PPHLN1: variants seen among roughly 807,000 people sequenced by gnomAD.
PPHLN1 encodes the protein periphilin-1.
Under a neutral mutation model 51.3 loss-of-function variants are expected in PPHLN1, and 29 were observed. That is an observed-to-expected ratio of 0.57 (90% CI 0.42 to 0.77). The LOEUF is 0.77. Ranked by LOEUF, PPHLN1 falls within the 30% of genes least tolerant of loss-of-function variation. The pLI is 0.00. For missense variants in PPHLN1, 436 were observed against 438.4 expected (o/e 0.99, Z 0.05); for synonymous variants, 147 against 147.8 (o/e 0.99, Z 0.04).
At position 42,391,307 on chromosome 12, in the gene PPHLN1, C is replaced by G. The variant is rs183698735; in HGVS notation, c.649-2263C>G. On this transcript the variant is annotated intron_variant, in intron 7 of 9. Transcript: ENST00000358314. ...AGGCTGGAGTGCAATGGCATAATCT[C>G]GGCTCACTGCAACCTCCACCTCCCA... Among the ~76,000 whole-genome samples the G allele has an allele frequency of 5.3e-5, 8 of 152,264 alleles. No individual in the cohort carries two copies. In the East Asian group the frequency reaches 1.5e-3, roughly 29 times the overall value.
chr12:42,339,553 T>C (rs1337669723), intron 2 of PPHLN1, among the ~76,000 whole-genome samples: 1 of 152,204 alleles, frequency 6.6e-6, no homozygotes, highest in Non-Finnish European at 1.5e-5. Context: ...TGGATCCCTT[T>C]AGCTGTCTGG....
chr12:42,369,116 T>C (rs541950662), intron 4 of PPHLN1, among the ~76,000 whole-genome samples: 2 of 152,322 alleles, frequency 1.3e-5, no homozygotes, highest in African/African-American at 4.8e-5. Flanking sequence ...CAGAGGAATG[T>C]TGAGAAGATG....
chr12:42,379,044 A>G (rs2076542802), intron 5 of PPHLN1, among the ~76,000 whole-genome samples: 1 of 151,648 alleles, frequency 6.6e-6, no homozygotes, highest in Admixed American at 6.6e-5. Context: ...TATATTTTTC[A>G]CTTGAAGTTT....
intron 1 of PPHLN1, among the ~76,000 whole-genome samples, chr12:42,329,586 TA>T (rs1285587652): frequency 2.6e-5 from 4 of 152,124 alleles, no homozygotes; most frequent in African/African-American, 9.7e-5. Context: ...TAATACAGAT[TA>T]AACCCTCACT....
chr12:42,382,485 C>G (rs557388500), intron 5 of PPHLN1, among the ~76,000 whole-genome samples: 13 of 152,066 alleles, frequency 8.5e-5, no homozygotes, highest in Admixed American at 1.3e-4. Flanking sequence ...ACCTTTTTAC[C>G]TTGCTCTCAA....
At chr12:42,411,286 G>A (rs1168074981) in intron 9 of PPHLN1, among the ~76,000 whole-genome samples, 1 of 151,882 alleles carries the variant, frequency 6.6e-6, no homozygotes, top group Non-Finnish European at 1.5e-5. Flanking sequence ...GAGTACAAGT[G>A]GCTTTTAGTT....
Position 42,429,650 on chromosome 12 carries a change from C to T in PPHLN1, c.910-11665C>T, listed in dbSNP as rs551564172. On this transcript the variant is annotated intron_variant, in intron 9 of 9. Coordinates refer to ENST00000358314, the MANE Select transcript of PPHLN1 (RefSeq NM_201439.2). Reference sequence around the variant, plus strand: ...TGGTCTTTTTACTAGAATGTAAAGTCCTTGAACAGAGCTTGTTGTACTCTG... The same window carrying T: ...TGGTCTTTTTACTAGAATGTAAAGTTCTTGAACAGAGCTTGTTGTACTCTG... 5.3e-5 allele frequency among the ~76,000 whole-genome samples: 8 copies of T among 152,244 alleles called. No individual in the cohort carries two copies. In the South Asian group the frequency reaches 1.5e-3, roughly 28 times the overall value.
At position 42,335,983 on chromosome 12, in the gene PPHLN1, C is replaced by T. The variant is rs773693483; in HGVS notation, c.72+9C>T. On this transcript the variant is annotated intron_variant, in intron 2 of 9. Transcript: ENST00000358314. ...CTCGAAGTCATCCCAGTGTAAGTTA[C>T]TCCTACATATTGAATGATTCAAAAA... is the stretch of plus-strand genomic sequence containing the variant. The T allele has an allele frequency of 5.6e-5, 86 of 1,537,212 alleles. No homozygotes were observed. Among genetic ancestry groups the T allele is most frequent in the Non-Finnish European group, 7.0e-5 (79 of 1,132,206 alleles).
At chr12:42,412,533 T>A (rs2079966760) in intron 9 of PPHLN1, among the ~76,000 whole-genome samples, 1 of 152,208 alleles carries the variant, frequency 6.6e-6, no homozygotes, top group South Asian at 2.1e-4. Context: ...TTGTGAATTG[T>A]GCTACAATAA....
chr12:42,330,732 T>TG (rs1238343374), intron 1 of PPHLN1, among the ~76,000 whole-genome samples: 1 of 152,176 alleles, frequency 6.6e-6, no homozygotes, highest in Non-Finnish European at 1.5e-5. Context: ...GTTTTTGAGA[T>TG]GGAGTCTCGC....
Position 42,391,343 on chromosome 12 carries a change from A to G in PPHLN1, c.649-2227A>G, listed in dbSNP as rs999188790. On this transcript the variant is annotated intron_variant, in intron 7 of 9. Transcript: ENST00000358314. ...AACCTCCACCTCCCAGGTTCAAGCA[A>G]TTCTCCTGCCTCAACCTCCCAAGTA... Among the ~76,000 whole-genome samples, 12 of 152,100 alleles carry G rather than the reference A, an allele frequency of 7.9e-5. No homozygotes were observed. The East Asian group carries it at 1.2e-3, about 15-fold the overall frequency.
At chr12:42,418,175 G>T (rs1325566324) in intron 9 of PPHLN1, among the ~76,000 whole-genome samples, 2 of 140,534 alleles carry the variant, frequency 1.4e-5, no homozygotes, top group Non-Finnish European at 3.0e-5. Context: ...TCATGACCTC[G>T]TGATCTGCCC....
intron 1 of PPHLN1, 137 bp downstream of exon 1, chr12:42,326,366 G>C (rs1011333732): frequency 6.6e-6 from 1 of 152,216 alleles, no homozygotes; most frequent in Non-Finnish European, 1.5e-5. Context: ...CTGCCCATGC[G>C]GTTGAGGGTG....
chr12:42,353,390 C>T (rs992691478), intron 3 of PPHLN1, among the ~76,000 whole-genome samples: 2 of 152,150 alleles, frequency 1.3e-5, no homozygotes, highest in African/African-American at 2.4e-5. Context: ...AGTTTTCATA[C>T]TTTACGCTTG....
chr12:42,401,217 T>C (rs1348230766), intron 9 of PPHLN1, among the ~76,000 whole-genome samples: 1 of 152,176 alleles, frequency 6.6e-6, no homozygotes, highest in African/African-American at 2.4e-5. Context: ...CTGAAAATAT[T>C]TTTTAAATAT....
In PPHLN1 at chr12:42,404,599, G is replaced by T. The variant is rs185081002; in HGVS notation, c.909+5605G>T. On this transcript the variant is annotated intron_variant, in intron 9 of 9. Transcript: ENST00000358314. The stretch of plus-strand genomic sequence containing the variant: ...TGATATAGGTTTACCTCTGAAAGGT[G>T]ATTTTCTGGTCAGTGTCAAGGTTTC... Among the ~76,000 whole-genome samples the T allele has an allele frequency of 1.6e-3, 248 of 152,262 alleles. 3 individuals carry two copies. Among genetic ancestry groups the T allele is most frequent in the Non-Finnish European group, 3.4e-4 (23 of 68,024 alleles).
At chr12:42,383,983 CAAAAAAAA>C (rs61016692) in intron 5 of PPHLN1, among the ~76,000 whole-genome samples, 145 of 51,620 alleles carry the variant, frequency 2.8e-3, no homozygotes, top group South Asian at 0.017. Flanking sequence ...GACTGTGTCT[CAAAAAAAA>C]AAAAAAAAAA....
chr12:42,443,908 G>A (rs1022649568), downstream of PPHLN1: 4 of 152,160 alleles, frequency 2.6e-5, no homozygotes, highest in African/African-American at 9.7e-5. Flanking sequence ...AACAATGAAA[G>A]GCTAGCTCAC....
chr12:42,400,295 C>T (rs1320182420), intron 9 of PPHLN1: 2 of 151,186 alleles, frequency 1.3e-5, no homozygotes, highest in Non-Finnish European at 2.9e-5. Context: ...GGTGAAACCC[C>T]GTCTCTACTA....
Sources: gnomAD v4.1 joint callset for allele counts (sites outside exome capture counted in the v4.1 genomes callset) on GRCh38, gnomAD v4.1.1 for gene constraint, MANE v1.5 for transcripts, NCBI Gene and HGNC (gene_info 2026-07-23, HGNC 2026-07-21) for gene names.